The following HTR4 variants were observed in gnomAD, a reference collection of about 807,000 sequenced individuals.
HTR4 encodes 5-hydroxytryptamine receptor 4.
In HTR4, 16 loss-of-function variants were observed where a neutral mutation model predicts 36.8. The observed-to-expected ratio is 0.43, with a 90% CI of 0.29 to 0.66. HTR4 has a LOEUF of 0.66. Among genes scored for constraint, HTR4 ranks in the 30% least tolerant of loss-of-function variants. The pLI is 0.13. For missense variants in HTR4, 438 were observed against 490.9 expected (o/e 0.89, Z 1.02); for synonymous variants, 189 against 185.1 (o/e 1.02, Z -0.17).
intron 5 of HTR4, among the ~76,000 whole-genome samples, chr5:148,457,271 A>G (rs1056663635): frequency 6.6e-6 from 1 of 152,126 alleles, no homozygotes; most frequent in African/African-American, 2.4e-5. Context: ...GCAGTTTCAC[A>G]TCTAATTAAA....
intron 6 of HTR4, chr5:148,484,226 T>C: frequency 6.3e-7 from 1 of 1,594,712 alleles, no homozygotes; most frequent in Non-Finnish European, 8.5e-7. Flanking sequence ...AGGTAAAAAA[T>C]GTTGAGCAAG....
At chr5:148,536,348 T>C (rs1758824403) in intron 4 of HTR4, among the ~76,000 whole-genome samples, 1 of 151,788 alleles carries the variant, frequency 6.6e-6, no homozygotes, top group African/African-American at 2.4e-5. Context: ...AATAACCAGC[T>C]AACAACACAA....
intron 6 of HTR4, among the ~76,000 whole-genome samples, chr5:148,503,483 C>T (rs2113758295): frequency 6.6e-6 from 1 of 152,306 alleles, no homozygotes; most frequent in South Asian, 2.1e-4. Context: ...AAAAGAGCTC[C>T]TTAAGGAAGC....
intron 5 of HTR4, 35 bp from the exon 6 acceptor site, chr5:148,510,059 G>A (rs775478394): frequency 2.1e-6 from 3 of 1,419,254 alleles, no homozygotes; most frequent in Non-Finnish European, 1.9e-6. Context: ...ATGAGGAAAG[G>A]AGGTAAAAAG....
At chr5:148,461,670 G>T (rs1173489659) in intron 5 of HTR4, among the ~76,000 whole-genome samples, 1 of 151,962 alleles carries the variant, frequency 6.6e-6, no homozygotes, top group Non-Finnish European at 1.5e-5. Flanking sequence ...GATTATAGCT[G>T]CAGACTTCAA....
At chr5:148,538,122 A>T (rs1247274301) in intron 4 of HTR4, among the ~76,000 whole-genome samples, 1 of 152,180 alleles carries the variant, frequency 6.6e-6, no homozygotes, top group Non-Finnish European at 1.5e-5. Context: ...AGAACTAAAG[A>T]CAAAAACCAC....
At chr5:148,569,307 G>A (rs1257523286) in intron 2 of HTR4, among the ~76,000 whole-genome samples, 1 of 152,060 alleles carries the variant, frequency 6.6e-6, no homozygotes, top group Non-Finnish European at 1.5e-5. Context: ...ACTGAACAAT[G>A]AGAACACATG....
At chr5:148,532,801 G>A (rs1447531174) in intron 4 of HTR4, among the ~76,000 whole-genome samples, 1 of 152,246 alleles carries the variant, frequency 6.6e-6, no homozygotes, top group Non-Finnish European at 1.5e-5. Flanking sequence ...TCTCAGAGCA[G>A]TGGTTCTCAA....
At chr5:148,567,848 G>A (rs1760511125) in intron 2 of HTR4, among the ~76,000 whole-genome samples, 1 of 152,094 alleles carries the variant, frequency 6.6e-6, no homozygotes, top group East Asian at 1.9e-4. Context: ...CTGATGGTAT[G>A]TATCTAACAT....
At chr5:148,532,096 C>A (rs1353591516) in intron 4 of HTR4, among the ~76,000 whole-genome samples, 1 of 152,136 alleles carries the variant, frequency 6.6e-6, no homozygotes, top group African/African-American at 2.4e-5. Flanking sequence ...AGCTCCTTGT[C>A]CTCTGTATGT....
intron 2 of HTR4, among the ~76,000 whole-genome samples, chr5:148,618,511 G>T (rs1434912164): frequency 1.3e-5 from 2 of 152,178 alleles, no homozygotes; most frequent in African/African-American, 2.4e-5. Flanking sequence ...TCCTGCCTTG[G>T]TGGGTTACAG....
chr5:148,499,129 C>T (rs918738034), intron 6 of HTR4, among the ~76,000 whole-genome samples: 4 of 152,110 alleles, frequency 2.6e-5, no homozygotes, highest in African/African-American at 7.2e-5. Context: ...ACTTGTGTGA[C>T]TTTGGGCATG....
intron 5 of HTR4, among the ~76,000 whole-genome samples, chr5:148,513,858 T>G (rs1757609660): frequency 6.6e-6 from 1 of 152,174 alleles, no homozygotes; most frequent in South Asian, 2.1e-4. Flanking sequence ...TTCTAAGTAT[T>G]TTATGCTTTT....
intron 6 of HTR4, among the ~76,000 whole-genome samples, chr5:148,508,501 G>A (rs1184843122): frequency 6.6e-6 from 1 of 152,114 alleles, no homozygotes; most frequent in East Asian, 1.9e-4. Context: ...TGGACCTGTC[G>A]GTATTCTCTT....
chr5:148,473,780 TA>T (rs1755630164), downstream of HTR4, among the ~76,000 whole-genome samples: 1 of 152,178 alleles, frequency 6.6e-6, no homozygotes, highest in Non-Finnish European at 1.5e-5. Context: ...GTAAGTGGCT[TA>T]CCAGAATTTA....
rs573764288 is a variant in HTR4 at position 148,541,074 on chromosome 5, C to T, written c.353+7594G>A. On this transcript the variant is annotated intron_variant, in intron 4 of 6. Transcript: ENST00000377888. The stretch of plus-strand genomic sequence containing the variant: ...AATAAACACTCAGTTATTTATTCCT[C>T]ACAAGTCCTAAAAGAGAAGGGAAGG... 3.3e-5 allele frequency among the ~76,000 whole-genome samples: 5 copies of T among 152,278 alleles called. No individual in the cohort carries two copies. The East Asian group carries it at 9.6e-4, about 29-fold the overall frequency.
chr5:148,564,678 A>C (rs1760360401), intron 2 of HTR4, among the ~76,000 whole-genome samples: 1 of 152,188 alleles, frequency 6.6e-6, no homozygotes, highest in Admixed American at 6.6e-5. Context: ...ATAGCTGTTA[A>C]CATCACATAC....
In HTR4 at chr5:148,453,853, G is replaced by A. The variant is rs187526459; in HGVS notation, c.1077-2581C>T. 9.3e-4 allele frequency among the ~76,000 whole-genome samples: 141 copies of A among 152,260 alleles called. 2 individuals are homozygous for A. Among genetic ancestry groups the A allele is most frequent in the African/African-American group, 3.1e-4 (13 of 41,556 alleles). ...AAGGTGTGGACAGTGAGACCAATTA[G>A]GAGTTTACAGCAATAATCCAGGTGA... On this transcript the variant is annotated intron_variant, in intron 5 of 5. Transcript: ENST00000521530.
chr5:148,460,954 G>T (rs1263071984), intron 5 of HTR4, among the ~76,000 whole-genome samples: 1 of 151,996 alleles, frequency 6.6e-6, no homozygotes, highest in African/African-American at 2.4e-5. Flanking sequence ...TGAAATGAAT[G>T]ACAGCAATGA....
Sources: allele counts gnomAD v4.1 joint callset (sites outside exome capture counted in the v4.1 genomes callset), GRCh38; gene constraint gnomAD v4.1.1; transcripts MANE v1.5; gene names NCBI Gene and HGNC (gene_info 2026-07-23, HGNC 2026-07-21).